Variants in SOX6 observed in about 807,000 individuals in gnomAD.
SOX6 encodes transcription factor SOX-6.
SOX6 carries 11 observed loss-of-function variants against 97.8 expected under a neutral mutation model. That is an observed-to-expected ratio of 0.11 (90% CI 0.07 to 0.19). The LOEUF (loss-of-function observed/expected upper bound fraction) is 0.19, where lower values mean the gene tolerates loss of function less well. Ranked by LOEUF, SOX6 falls within the 10% of genes least tolerant of loss-of-function variation. SOX6 has a pLI of 1.00. For missense variants in SOX6, 810 were observed against 1,039.5 expected, an observed-to-expected ratio of 0.78 and a Z score of 3.04; for synonymous variants, 360 against 371.4, an observed-to-expected ratio of 0.97 and a Z score of 0.35.
chr11:16,055,678 C>A (rs1182352487), intron 10 of SOX6, 74 bp downstream of exon 10: 2 of 1,591,328 alleles, frequency 1.3e-6, no homozygotes, highest in African/African-American at 1.3e-5. Context: ...TTATGCCCAA[C>A]ATAGCCTGCT....
At chr11:16,597,466 A>G (rs1848225549) in intron 4 of SOX6, among the ~76,000 whole-genome samples, 1 of 151,924 alleles carries the variant, frequency 6.6e-6, no homozygotes, top group Non-Finnish European at 1.5e-5. Flanking sequence ...AGGTTGCATT[A>G]CTTTTCCAAG....
chr11:16,454,215 C>G (rs1210231998), intron 1 of SOX6, among the ~76,000 whole-genome samples: 1 of 151,990 alleles, frequency 6.6e-6, no homozygotes, highest in Non-Finnish European at 1.5e-5. Flanking sequence ...GGTAATGACC[C>G]CTGTAGCAGC....
At chr11:16,213,357 ATCTC>A (rs1289775666) in intron 4 of SOX6, among the ~76,000 whole-genome samples, 2 of 152,042 alleles carry the variant, frequency 1.3e-5, no homozygotes, top group Non-Finnish European at 2.9e-5. Context: ...GCATGTCTAA[ATCTC>A]TCTGTCTGCC....
In SOX6 at chr11:16,096,063, C is replaced by T. The variant is rs756347433; in HGVS notation, c.1034G>A (p.Arg345His). 125 of 1,611,060 alleles carry T rather than the reference C, an allele frequency of 7.8e-5. 1 individual carries two copies. The highest frequency in any genetic ancestry group is 9.2e-5 in the Non-Finnish European group (109 of 1,178,482). ...INQRLKGLSD[R>H]FGRNLDTFEH... ...AAAGGTGTCCAAATTCCTGCCAAAA[C>T]GGTCACTTAGGCCCTTTAGCCTTTG... is the stretch of plus-strand genomic sequence containing the variant. The change falls in exon 9 of 16, where the codon CGT becomes CAT. Residue 345 changes from arginine to histidine, a missense_variant. Physicochemically the swap from Arg to His is conservative, Grantham distance 29. Around this residue, in one of 9 missense-constraint regions of SOX6, gnomAD observed 244 missense variants for 261.0 expected, o/e 0.93. Transcript: ENST00000683767.
intron 3 of SOX6, among the ~76,000 whole-genome samples, chr11:16,644,478 C>G (rs1272500544): frequency 6.6e-6 from 1 of 152,208 alleles, no homozygotes; most frequent in Middle Eastern, 3.2e-3. Context: ...GCAGCAGTCT[C>G]TACCACATGT....
intron 6 of SOX6, among the ~76,000 whole-genome samples, chr11:16,115,329 C>G (rs896542838): frequency 1.3e-5 from 2 of 152,162 alleles, no homozygotes; most frequent in Non-Finnish European, 2.9e-5. Context: ...AATCAGAAAA[C>G]TCTGGAATTC....
chr11:16,273,014 A>T (rs1236766631), intron 3 of SOX6, among the ~76,000 whole-genome samples: 5 of 151,934 alleles, frequency 3.3e-5, no homozygotes, highest in Admixed American at 3.3e-4. Context: ...TGTATTATTG[A>T]ATTATACTTT....
chr11:16,361,178 G>A (rs1857203575), upstream of SOX6, among the ~76,000 whole-genome samples: 1 of 152,022 alleles, frequency 6.6e-6, no homozygotes, highest in South Asian at 2.1e-4. Context: ...AATGTTAAGT[G>A]ACTTGTTCAA....
chr11:16,707,770 T>G (rs1438950092), intron 3 of SOX6, among the ~76,000 whole-genome samples: 2 of 152,112 alleles, frequency 1.3e-5, no homozygotes, highest in African/African-American at 4.8e-5. Context: ...GTAAATAAAT[T>G]GAAGTAAGCC....
At chr11:16,117,900 C>T (rs1283745280) in intron 6 of SOX6, among the ~76,000 whole-genome samples, 2 of 152,182 alleles carry the variant, frequency 1.3e-5, no homozygotes, top group African/African-American at 4.8e-5. Context: ...GAACTCCCCT[C>T]ACTCCATCAA....
Position 16,003,615 on chromosome 11 carries a change from A to T in SOX6, c.1732+11327T>A, listed in dbSNP as rs538262365. On this transcript the variant is annotated intron_variant, in intron 13 of 15. Coordinates refer to ENST00000683767, the MANE Select transcript of SOX6 (RefSeq NM_001367873.1). Reference sequence around the variant, plus strand: ...CAGGATGGCATAAGGTAAATACTCAAATGCTTACTAATACAGTACAGTGGA... The same window carrying T: ...CAGGATGGCATAAGGTAAATACTCATATGCTTACTAATACAGTACAGTGGA... Among the ~76,000 whole-genome samples, 5 of 152,158 alleles carry T rather than the reference A, an allele frequency of 3.3e-5. No individual in the cohort carries two copies. In the South Asian group the frequency reaches 1.0e-3, roughly 32 times the overall value.
At chr11:16,716,847 A>C (rs770652693) in intron 2 of SOX6, among the ~76,000 whole-genome samples, 1 of 152,162 alleles carries the variant, frequency 6.6e-6, no homozygotes, top group Non-Finnish European at 1.5e-5. Flanking sequence ...GCTCAAAAAC[A>C]GAAAAAAATT....
At chr11:16,677,710 G>T (rs1847895479) in intron 3 of SOX6, among the ~76,000 whole-genome samples, 1 of 152,120 alleles carries the variant, frequency 6.6e-6, no homozygotes, top group South Asian at 2.1e-4. Flanking sequence ...TGGTTTTGGT[G>T]TCAGAGTAAT....
At chr11:16,496,300 C>A in intron 4 of SOX6, among the ~76,000 whole-genome samples, 1 of 123,118 alleles carries the variant, frequency 8.1e-6, no homozygotes. Flanking sequence ...ATCAATGAGA[C>A]ACAAGAGAAC....
rs139779870 is a variant in SOX6, at chr11:16,242,358, C to T, written c.446-7687G>A. Among the ~76,000 whole-genome samples, 383 of 151,892 alleles carry T rather than the reference C, an allele frequency of 2.5e-3. 1 individual carries two copies. Among genetic ancestry groups the T allele is most frequent in the African/African-American group, 8.7e-3 (360 of 41,472 alleles). On this transcript the variant is annotated intron_variant, in intron 3 of 15. Coordinates refer to ENST00000683767, the MANE Select transcript of SOX6 (RefSeq NM_001367873.1). ...CTATATAGCCTAGGTGTGTACTAGG[C>T]CATACCATGTAGGTTTGTGTAAGTA...
chr11:16,124,991 T>C (rs915897399), intron 6 of SOX6, among the ~76,000 whole-genome samples: 2 of 151,986 alleles, frequency 1.3e-5, no homozygotes, highest in Non-Finnish European at 2.9e-5. Context: ...TCCGCTCAAG[T>C]AGAAGGAAAA....
At chr11:16,189,694 T>A (rs368718784) in intron 4 of SOX6, among the ~76,000 whole-genome samples, 5 of 113,414 alleles carry the variant, frequency 4.4e-5, no homozygotes, top group African/African-American at 1.7e-4. Context: ...GGTGAATAGA[T>A]TGGAAAGACA....
intron 3 of SOX6, among the ~76,000 whole-genome samples, chr11:16,657,723 C>G (rs763723958): frequency 1.3e-5 from 2 of 152,138 alleles, no homozygotes; most frequent in Non-Finnish European, 2.9e-5. Context: ...AATTTGCACT[C>G]CCTAGTGACA....
intron 3 of SOX6, among the ~76,000 whole-genome samples, chr11:16,705,912 G>A (rs773489963): frequency 1.2e-4 from 18 of 152,158 alleles, no homozygotes; most frequent in Non-Finnish European, 2.6e-4. Context: ...AAAGAAGGTA[G>A]TAATGGAGAA....
Sources: allele counts gnomAD v4.1 joint callset (sites outside exome capture counted in the v4.1 genomes callset), GRCh38; gene constraint gnomAD v4.1.1; regional missense constraint gnomAD v4.1.1; transcripts MANE v1.5; gene names NCBI Gene and HGNC (gene_info 2026-07-23, HGNC 2026-07-21).